ATP6V1B1: variants seen among roughly 807,000 people sequenced by gnomAD.
ATP6V1B1 encodes ATPase H+ transporting V1 subunit B1.
In ATP6V1B1, 41 loss-of-function variants were observed where a neutral mutation model predicts 62.1. The observed-to-expected ratio is 0.66, with a 90% CI of 0.51 to 0.86. ATP6V1B1 has a LOEUF of 0.86. Ranked by LOEUF, ATP6V1B1 falls within the 40% of genes least tolerant of loss-of-function variation. The pLI, the probability that ATP6V1B1 is intolerant of heterozygous loss-of-function variation, is 0.00. For missense variants in ATP6V1B1, 651 were observed against 697.5 expected (o/e 0.93, Z 0.75); for synonymous variants, 253 against 273.4 (o/e 0.93, Z 0.74).
intron 8 of ATP6V1B1, 126 bp downstream of exon 8, chr2:70,961,819 C>T: frequency 1.1e-6 from 1 of 941,728 alleles, no homozygotes. Context: ...GGAGAACAAC[C>T]CTCATTGTGT....
intron 1 of ATP6V1B1, chr2:70,942,277 G>C (rs1457973077): frequency 2.5e-6 from 1 of 399,380 alleles, no homozygotes; most frequent in Non-Finnish European, 4.4e-6. Context: ...GCAGGGAGCT[G>C]AGGGAGATCC....
chr2:70,962,964 C>T lies in ATP6V1B1; in HGVS notation c.909+64C>T, dbSNP rs1197657379. The stretch of plus-strand genomic sequence containing the variant: ...CCCTCCCTAAGCCTGACACCCCAGA[C>T]GGTCACCCTGCAAATAGAGGGGAGC... On this transcript the variant is annotated intron_variant, in intron 9 of 13. Coordinates refer to ENST00000234396, the MANE Select transcript of ATP6V1B1 (RefSeq NM_001692.4). 27 of 1,610,076 alleles carry T rather than the reference C, an allele frequency of 1.7e-5. No homozygotes were observed. In the East Asian group the frequency reaches 2.2e-4, roughly 13 times the overall value.
intron 11 of ATP6V1B1, chr2:70,964,136 T>TTTTTTTTTTTTTTC (rs1680658306): frequency 3.4e-6 from 1 of 292,322 alleles, no homozygotes; most frequent in African/African-American, 2.3e-5. Context: ...TTTTTTTTTT[T>TTTTTTTTTTTTTTC]GCAGCTATTA....
chr2:70,947,982 CCAA>C (rs760098404), intron 2 of ATP6V1B1, among the ~76,000 whole-genome samples: 7 of 152,222 alleles, frequency 4.6e-5, no homozygotes, highest in Admixed American at 3.9e-4. Context: ...GATCCCACCA[CCAA>C]CAACAATAAC....
At chr2:70,962,321 AG>A (rs2104830503) in intron 8 of ATP6V1B1, among the ~76,000 whole-genome samples, 1 of 152,294 alleles carries the variant, frequency 6.6e-6, no homozygotes, top group South Asian at 2.1e-4. Context: ...GAGCAGTGAG[AG>A]GGACGAAACC....
At chr2:70,944,649 C>T (rs1370091021) in intron 2 of ATP6V1B1, among the ~76,000 whole-genome samples, 1 of 151,692 alleles carries the variant, frequency 6.6e-6, no homozygotes, top group Non-Finnish European at 1.5e-5. Flanking sequence ...CTCCAGTGCC[C>T]TCAGCTTACA....
Position 70,936,058 on chromosome 2 carries a change from C to T in ATP6V1B1, c.104C>T (p.Thr35Ile). The T allele has an allele frequency of 3.7e-6, 6 of 1,613,978 alleles. No individual in the cohort carries two copies. Among genetic ancestry groups the T allele is most frequent in the South Asian group, 1.1e-5 (1 of 91,068 alleles). Residue 35 changes from threonine to isoleucine, a missense_variant, in exon 1 of 14, where the codon ACC becomes ATC. Physicochemically the swap from Thr to Ile is moderately conservative, Grantham distance 89. Transcript: ENST00000234396. The part of the protein sequence containing the change: ...HMQAVTRNYI[T>I]HPRVTYRTVC... ...CAGGCGGTCACCCGAAACTACATCA[C>T]CCACCCCCGTGTCAGTGAGTAGCCC...
At chr2:70,940,921 T>C (rs1553416322) in intron 1 of ATP6V1B1, 2 of 949,124 alleles carry the variant, frequency 2.1e-6, no homozygotes, top group East Asian at 1.2e-4. Flanking sequence ...TTCTTTTTTT[T>C]TTTTTTTTTT....
In ATP6V1B1 at chr2:70,963,705, A is replaced by G; in HGVS notation, c.1143+51A>G. ...CTGCTCTCAGCCCAGAGAAACACTG[A>G]GGAACAGATGTTTCACTGCCCCCAG... On this transcript the variant is annotated intron_variant, in intron 11 of 13. Transcript: ENST00000234396. This position sits in a 1 kb window ranked among gnomAD's most constrained non-coding sequence, Gnocchi z 4.3. The G allele has an allele frequency of 6.3e-7, 1 of 1,579,710 alleles. No individual in the cohort carries two copies. The highest frequency in any genetic ancestry group is 8.7e-7 in the Non-Finnish European group (1 of 1,149,196).
At chr2:70,944,499 G>A (rs1228310021) in intron 2 of ATP6V1B1, among the ~76,000 whole-genome samples, 8 of 150,948 alleles carry the variant, frequency 5.3e-5, no homozygotes, top group Admixed American at 3.3e-4. Context: ...ACCTGCCAGC[G>A]CCCATGTCTG....
Position 70,963,543 on chromosome 2 carries a change from C to A in ATP6V1B1, c.1061-29C>A, listed in dbSNP as rs782757812. ...GTGGTTGGAGACCTGGGCCCCCACC[C>A]ACACTGAGGCCAGTGAGTTTTCTTG... On this transcript the variant is annotated intron_variant, in intron 10 of 13. Coordinates refer to ENST00000234396, the MANE Select transcript of ATP6V1B1 (RefSeq NM_001692.4). The surrounding 1 kb of genome is among the most constrained non-coding windows in gnomAD (Gnocchi z 4.3). 2 of 1,608,848 alleles carry A rather than the reference C, an allele frequency of 1.2e-6. No homozygotes were observed. The highest frequency in any genetic ancestry group is 1.7e-6 in the Non-Finnish European group (2 of 1,175,180).
chr2:70,958,455 G>T, intron 4 of ATP6V1B1, 29 bp downstream of exon 4: 1 of 1,592,558 alleles, frequency 6.3e-7, no homozygotes, highest in East Asian at 2.2e-5. Flanking sequence ...CAGGGGTGGG[G>T]GTGCTCCTCT....
chr2:70,958,460 TCCTCTGC>T, intron 4 of ATP6V1B1, 34 bp downstream of exon 4: 1 of 1,579,038 alleles, frequency 6.3e-7, no homozygotes, highest in Non-Finnish European at 8.7e-7. Flanking sequence ...GTGGGGGTGC[TCCTCTGC>T]CCTCCCAGCC....
Position 70,959,221 on chromosome 2 carries a change from C to A in ATP6V1B1, c.445+126C>A. 1.0e-6 allele frequency: 1 copy of A among 991,520 alleles called. No homozygotes were observed. Among genetic ancestry groups the A allele is most frequent in the Non-Finnish European group, 1.6e-6 (1 of 638,528 alleles). 61.4% of individuals were successfully genotyped at this position (991,520 alleles called of 1,614,324 possible). ...GGAGAGCAGCAAAGGCCTCTCTATC[C>A]CCAAATCTTCCACTGAACCCCAACA... On this transcript the variant is annotated intron_variant, in intron 5 of 13. Transcript: ENST00000234396. The surrounding 1 kb of genome is among the most constrained non-coding windows in gnomAD (Gnocchi z 4.2).
intron 2 of ATP6V1B1, among the ~76,000 whole-genome samples, chr2:70,952,730 G>A (rs536393312): frequency 2.0e-5 from 3 of 152,174 alleles, no homozygotes; most frequent in Admixed American, 6.5e-5. Flanking sequence ...ATATTAATAA[G>A]AAATATTGAT....
rs781851288 is a variant in ATP6V1B1 at position 70,963,582 on chromosome 2, C to T, written c.1071C>T (p.His357=). ...ILTMPNDDIT[H]PIPDLTGFIT... is the part of the protein sequence containing the mutation. ...TGAGTTTTCTTGTAGATATCACCCA[C>T]CCTATCCCAGACTTGACGGGCTTCA... Residue 357 remains histidine, a synonymous_variant, in exon 11 of 14, where the codon CAC becomes CAT. Coordinates refer to ENST00000234396, the MANE Select transcript of ATP6V1B1 (RefSeq NM_001692.4). The surrounding 1 kb of genome is among the most constrained non-coding windows in gnomAD (Gnocchi z 4.3). 3 of 1,614,154 alleles carry T rather than the reference C, an allele frequency of 1.9e-6. No individual in the cohort carries two copies. The Admixed American group carries it at 5.0e-5, about 27-fold the overall frequency.
intron 1 of ATP6V1B1, among the ~76,000 whole-genome samples, chr2:70,938,975 A>G (rs1163199079): frequency 2.0e-5 from 3 of 152,244 alleles, no homozygotes; most frequent in African/African-American, 7.2e-5. Context: ...AGAGAGTCCC[A>G]ACAAGCAGGG....
Position 70,961,259 on chromosome 2 carries a change from A to G in ATP6V1B1, c.687+237A>G, listed in dbSNP as rs1253585551. Among the ~76,000 whole-genome samples the G allele has an allele frequency of 3.9e-5, 6 of 151,974 alleles. 1 individual carries two copies. Among genetic ancestry groups the G allele is most frequent in the African/African-American group, 1.4e-4 (6 of 41,500 alleles). On this transcript the variant is annotated intron_variant, in intron 7 of 13. Coordinates refer to ENST00000234396, the MANE Select transcript of ATP6V1B1 (RefSeq NM_001692.4). ...GGAGGGGAAGCCAGGGGATTGGGGG[A>G]AAAAAGATAGCTTCAGGAACGGGAG...
At chr2:70,958,479 A>C in intron 4 of ATP6V1B1, 53 bp downstream of exon 4, 1 of 1,545,678 alleles carries the variant, frequency 6.5e-7, no homozygotes. Flanking sequence ...CTCCCAGCCC[A>C]GCTTCTCTGA....
Sources: gnomAD v4.1 joint callset for allele counts (sites outside exome capture counted in the v4.1 genomes callset) on GRCh38, gnomAD v4.1.1 for gene constraint, Gnocchi (gnomAD v3.1) non-coding constraint, MANE v1.5 for transcripts, NCBI Gene and HGNC (gene_info 2026-07-23, HGNC 2026-07-21) for gene names.